Variants in SCN1A observed in about 807,000 individuals in gnomAD.
The protein encoded by SCN1A is sodium voltage-gated channel alpha subunit 1.
A neutral mutation model predicts 193.7 loss-of-function variants in SCN1A; 13 were observed. The observed-to-expected ratio is 0.07, with a 90% CI of 0.04 to 0.11. SCN1A has a LOEUF of 0.11. SCN1A is among the 10% of genes least tolerant of loss of function. The pLI, the probability that SCN1A is intolerant of heterozygous loss-of-function variation, is 1.00. For missense variants in SCN1A, 1,432 were observed against 2,451.1 expected (o/e 0.58, Z 8.78); for synonymous variants, 781 against 843.6 (o/e 0.93, Z 1.29).
chr2:166,135,324 G>A (rs1336953794), intron 1 of SCN1A, among the ~76,000 whole-genome samples: 3 of 152,142 alleles, frequency 2.0e-5, no homozygotes, highest in Middle Eastern at 3.4e-3. Context: ...TGAAGACAAC[G>A]CTTTATTTAC....
intron 1 of SCN1A, among the ~76,000 whole-genome samples, chr2:166,143,149 AT>A (rs961408303): frequency 2.0e-5 from 3 of 147,890 alleles, no homozygotes; most frequent in South Asian, 2.1e-4. Context: ...AGAAAGATTT[AT>A]TTTTTCAGAA....
chr2:165,992,215 A>G lies in SCN1A; in HGVS notation c.5060T>C (p.Phe1687Ser), dbSNP rs121917932. ...LFLVMFIYAI[F>S]GMSNFAYVKR... is the part of the protein sequence containing the mutation. ...AACATAGGCAAAGTTGGACATCCCAAAGATGGCGTAGATGAACATGACTAG... is the reference window on the plus strand; with the variant it reads ...AACATAGGCAAAGTTGGACATCCCAGAGATGGCGTAGATGAACATGACTAG... Residue 1687 changes from phenylalanine (F) to serine (S), a missense_variant, in exon 29 of 29, where the codon TTT becomes TCT. Physicochemically the swap from Phe to Ser is radical, Grantham distance 155 (BLOSUM62 -2). Around this residue, in one of 18 missense-constraint regions of SCN1A, gnomAD observed 85 missense variants for 213.2 expected, o/e 0.40. Coordinates refer to ENST00000674923, the MANE Select transcript of SCN1A (RefSeq NM_001165963.4). The surrounding 1 kb of genome is among the most constrained non-coding windows in gnomAD (Gnocchi z 6.5). 4 of 1,613,830 alleles carry G rather than the reference A, an allele frequency of 2.5e-6. No individual in the cohort carries two copies. The highest frequency in any genetic ancestry group is 3.4e-6 in the Non-Finnish European group (4 of 1,179,892).
chr2:166,095,488 G>A (rs1687276853), intron 2 of SCN1A, among the ~76,000 whole-genome samples: 1 of 152,114 alleles, frequency 6.6e-6, no homozygotes, highest in Non-Finnish European at 1.5e-5. Flanking sequence ...AACAAAGGGG[G>A]ATTGAAACAA....
In SCN1A at chr2:165,987,852, G is replaced by A. The variant is rs147560677; in HGVS notation, c.*3393C>T. Reference sequence around the variant, plus strand: ...TAACAGTGAGTAATGGCGTGGATGGGTAGTATAAAAAGTCTGCAGGGTTTA... The same window carrying A: ...TAACAGTGAGTAATGGCGTGGATGGATAGTATAAAAAGTCTGCAGGGTTTA... On this transcript the variant is annotated 3_prime_UTR_variant, in exon 29 of 29. Transcript: ENST00000674923. 202 of 152,202 alleles carry A rather than the reference G, an allele frequency of 1.3e-3. No individual in the cohort carries two copies. The highest frequency in any genetic ancestry group is 4.6e-3 in the African/African-American group (191 of 41,538). The allele number at this position is 152,202 out of a possible 1,614,324, so 9.4% of individuals were successfully genotyped here.
At chr2:166,139,208 G>A (rs1415713372) in intron 1 of SCN1A, among the ~76,000 whole-genome samples, 1 of 152,178 alleles carries the variant, frequency 6.6e-6, no homozygotes, top group Non-Finnish European at 1.5e-5. Context: ...AGACTTTGGA[G>A]GACTGTTGGG....
At chr2:165,994,937 T>G (rs1055807211) in intron 27 of SCN1A, among the ~76,000 whole-genome samples, 21 of 151,956 alleles carry the variant, frequency 1.4e-4, no homozygotes, top group African/African-American at 5.1e-4. Context: ...ATGGCAATAC[T>G]CATATTCTTC....
intron 24 of SCN1A, chr2:166,000,030 A>G (rs1264253252): frequency 3.9e-6 from 2 of 514,184 alleles, no homozygotes; most frequent in African/African-American, 3.9e-5. Context: ...TCAATTCTTT[A>G]GAGTTCATGG....
At chr2:166,097,793 T>A (rs1687561691) in intron 2 of SCN1A, among the ~76,000 whole-genome samples, 1 of 152,176 alleles carries the variant, frequency 6.6e-6, no homozygotes, top group Non-Finnish European at 1.5e-5. Context: ...GCTGCCTAGG[T>A]GGATCTTGAA....
intron 2 of SCN1A, chr2:166,109,651 T>C (rs1159256814): frequency 6.6e-6 from 1 of 152,230 alleles, no homozygotes; most frequent in Non-Finnish European, 1.5e-5. Flanking sequence ...ATATCTGTTA[T>C]GGTGACCTGT....
chr2:166,103,871 A>G (rs1688406971), intron 2 of SCN1A, among the ~76,000 whole-genome samples: 1 of 152,244 alleles, frequency 6.6e-6, no homozygotes, highest in Non-Finnish European at 1.5e-5. Context: ...AGATGAAGCA[A>G]TAAAAGTCAG....
At chr2:166,077,516 A>C (rs1685101083) in intron 3 of SCN1A, among the ~76,000 whole-genome samples, 194 bp downstream of exon 3, 1 of 151,910 alleles carries the variant, frequency 6.6e-6, no homozygotes, top group Non-Finnish European at 1.5e-5. Flanking sequence ...AAACAATAAG[A>C]TAGCACTACA....
chr2:165,988,839 C>T lies in SCN1A; in HGVS notation c.*2406G>A, dbSNP rs535127147. 6.6e-6 allele frequency: 1 copy of T among 152,322 alleles called. No individual in the cohort carries two copies. Among genetic ancestry groups the T allele is most frequent in the South Asian group, 2.1e-4 (1 of 4,826 alleles). 9.4% of individuals were successfully genotyped at this position (152,322 alleles called of 1,614,324 possible). ...ATGATTTAAGGGTTTCTTTTCATAG[C>T]TCAAGGGGTCATCCACCATCACTCT... On this transcript the variant is annotated 3_prime_UTR_variant, in exon 29 of 29. Transcript: ENST00000674923.
At chr2:166,108,066 CAT>C (rs989275433) in intron 2 of SCN1A, among the ~76,000 whole-genome samples, 5 of 150,768 alleles carry the variant, frequency 3.3e-5, no homozygotes, top group African/African-American at 7.3e-5. Context: ...TTGTATCTGG[CAT>C]ATATATATAT....
intron 23 of SCN1A, among the ~76,000 whole-genome samples, chr2:166,008,888 C>T (rs1432992545): frequency 6.7e-6 from 1 of 150,220 alleles, no homozygotes; most frequent in Non-Finnish European, 1.5e-5. Flanking sequence ...TATTATATAT[C>T]TATAAACTAA....
intron 1 of SCN1A, among the ~76,000 whole-genome samples, chr2:166,127,428 AG>A (rs2106277319): frequency 6.6e-6 from 1 of 152,288 alleles, no homozygotes; most frequent in African/African-American, 2.4e-5. Context: ...CCAGTGAAGG[AG>A]GGGGCTTCAA....
intron 2 of SCN1A, among the ~76,000 whole-genome samples, chr2:166,096,572 G>A (rs558318503): frequency 2.0e-5 from 3 of 152,218 alleles, no homozygotes; most frequent in East Asian, 1.9e-4. Context: ...GAGCCACTGC[G>A]CCCAGCCTGA....
rs771624860 is a variant in SCN1A, at chr2:165,986,284, A to G, written c.*4961T>C. ...TTAATTTTCTGGCTTAACTATAGACATATGAAAACCTTGTCATAAGGGTGC... is the reference window on the plus strand; with the variant it reads ...TTAATTTTCTGGCTTAACTATAGACGTATGAAAACCTTGTCATAAGGGTGC... On this transcript the variant is annotated 3_prime_UTR_variant, in exon 29 of 29. Transcript: ENST00000674923. 5 of 152,150 alleles carry G rather than the reference A, an allele frequency of 3.3e-5. No homozygotes were observed. Among genetic ancestry groups the G allele is most frequent in the Non-Finnish European group, 7.4e-5 (5 of 68,018 alleles). The allele number at this position is 152,150 out of a possible 1,614,324, so 9.4% of individuals were successfully genotyped here. A position where few individuals can be genotyped will look rare whatever the true frequency, so the allele number is the denominator to read the frequency against.
intron 19 of SCN1A, among the ~76,000 whole-genome samples, chr2:166,032,528 T>C (rs533631922): frequency 1.3e-5 from 2 of 152,134 alleles, no homozygotes; most frequent in Admixed American, 1.3e-4. Context: ...GATGAAGCAA[T>C]GAGGGCAAAC....
At chr2:166,137,883 T>G (rs1691925860) in intron 1 of SCN1A, among the ~76,000 whole-genome samples, 1 of 152,206 alleles carries the variant, frequency 6.6e-6, no homozygotes, top group Admixed American at 6.5e-5. Flanking sequence ...TGAATGGCTT[T>G]GACCAAAATG....
Sources: allele counts gnomAD v4.1 joint callset (sites outside exome capture counted in the v4.1 genomes callset), GRCh38; gene constraint gnomAD v4.1.1; regional missense constraint gnomAD v4.1.1; non-coding constraint Gnocchi (gnomAD v3.1); transcripts MANE v1.5; gene names NCBI Gene and HGNC (gene_info 2026-07-23, HGNC 2026-07-21).